The following ADCY4 variants were observed in gnomAD, a reference collection of about 807,000 sequenced individuals.
ADCY4 encodes the protein adenylate cyclase 4.
A neutral mutation model predicts 125.5 loss-of-function variants in ADCY4; 111 were observed. The ratio of observed to expected loss-of-function variants is 0.88; its 90% CI spans 0.76 to 1.04. The LOEUF is 1.04. Among genes scored for constraint, ADCY4 ranks in the 50% least tolerant of loss-of-function variants. The pLI, the probability that ADCY4 is intolerant of heterozygous loss-of-function variation, is 0.00. For synonymous variants in ADCY4, 576 were observed against 586.9 expected, an observed-to-expected ratio of 0.98 and a Z score of 0.27; for missense variants, 1,256 against 1,382.9, an observed-to-expected ratio of 0.91 and a Z score of 1.46.
intron 10 of ADCY4, 160 bp downstream of exon 10, chr14:24,328,901 A>G (rs2041994361): frequency 2.2e-6 from 2 of 912,842 alleles, no homozygotes; most frequent in South Asian, 3.2e-5. Context: ...GAAGGGCCTG[A>G]ACCAGTGACT....
intron 6 of ADCY4, chr14:24,330,750 C>G: frequency 2.1e-6 from 1 of 470,652 alleles, no homozygotes. Flanking sequence ...TCCAGAGACA[C>G]ATATGTGGGG....
chr14:24,326,394 T>C, intron 10 of ADCY4, 52 bp from the exon 11 acceptor site: 1 of 1,602,808 alleles, frequency 6.2e-7, no homozygotes, highest in Non-Finnish European at 8.5e-7. Flanking sequence ...TTCCCTGCAG[T>C]GAGGTAGACC....
At chr14:24,323,515 G>T (rs1201032045) in intron 16 of ADCY4, 61 bp from the exon 17 acceptor site, 1 of 1,543,430 alleles carries the variant, frequency 6.5e-7, no homozygotes, top group African/African-American at 1.4e-5. Context: ...GGTGGCTTGT[G>T]CTGGGTTTCA....
chr14:24,322,212 A>G lies in ADCY4; in HGVS notation c.2440T>C (p.Cys814Arg), dbSNP rs532786769. Reference sequence around the variant, plus strand: ...TTCTTCCACAGGAAGTCCAGGCGGCAGTAGTACTCATTCTGGGGAGGGTCA... The same window carrying G: ...TTCTTCCACAGGAAGTCCAGGCGGCGGTAGTACTCATTCTGGGGAGGGTCA... ...LVLARQNEYY[C>R]RLDFLWKKKL... Residue 814 changes from cysteine to arginine, a missense_variant, in exon 20 of 25, where the codon TGC (cysteine) becomes CGC (arginine). Cys to Arg is a radical substitution (Grantham distance 180, BLOSUM62 -3). Transcript: ENST00000418030. 5.1e-4 allele frequency: 820 copies of G among 1,613,388 alleles called. 11 individuals carry two copies. The South Asian group carries it at 8.4e-3, about 17-fold the overall frequency.
intron 13 of ADCY4, 23 bp downstream of exon 13, chr14:24,325,795 G>C: frequency 6.3e-7 from 1 of 1,581,802 alleles, no homozygotes; most frequent in Non-Finnish European, 8.6e-7. Context: ...AAGTTGTTTG[G>C]TGCCACCCAC....
chr14:24,331,140 C>A lies in ADCY4; in HGVS notation c.819-11G>T, dbSNP rs555124206. The A allele has an allele frequency of 4.3e-6, 7 of 1,613,020 alleles. No individual in the cohort carries two copies. In the East Asian group the frequency reaches 1.6e-4, roughly 36 times the overall value. The stretch of plus-strand genomic sequence containing the variant: ...TCAGCATACAGCACGCTGCATAGGG[C>A]AGACTGTGTCAGCAGGGCCAGGGTC... On this transcript the variant is annotated splice_polypyrimidine_tract_variant and intron_variant, in intron 5 of 24. Transcript: ENST00000418030.
In ADCY4 at chr14:24,324,049, C is replaced by T. The variant is rs746812550; in HGVS notation, c.2046+13G>A. 3 of 1,613,244 alleles carry T rather than the reference C, an allele frequency of 1.9e-6. No homozygotes were observed. The highest frequency in any genetic ancestry group is 2.2e-5 in the South Asian group (2 of 90,988). On this transcript the variant is annotated intron_variant, in intron 16 of 24. Transcript: ENST00000418030. ...GCCCTCATGGGGGTGGATAGGGCCC[C>T]CTCTGTCCTCACCAGGCTGGTAATG...
rs201925939 is a variant in ADCY4, at chr14:24,323,482, G to A, written c.2047-28C>T. 2.1e-5 allele frequency: 32 copies of A among 1,550,876 alleles called. No homozygotes were observed. In the East Asian group the frequency reaches 7.3e-4, roughly 36 times the overall value. ...GCAGAGGAGATGAGGAGTTGAAGAG[G>A]CAGGTAGCTTCTTGGGCACAGTGGT... is the stretch of plus-strand genomic sequence containing the variant. On this transcript the variant is annotated intron_variant, in intron 16 of 24. Transcript: ENST00000418030.
intron 10 of ADCY4, among the ~76,000 whole-genome samples, chr14:24,328,316 G>T (rs1312969124): frequency 1.3e-5 from 2 of 152,078 alleles, no homozygotes; most frequent in African/African-American, 4.8e-5. Flanking sequence ...CATCAGTCAG[G>T]CTCACCCACA....
In ADCY4 at chr14:24,332,872, C is replaced by G. The variant is rs1267217903; in HGVS notation, c.276G>C (p.Leu92=). ...EQRLQRWTRP[L]SGLVWVALLA... is the part of the protein sequence containing the mutation. The stretch of plus-strand genomic sequence containing the variant: ...GCAGCGCGACCCATACCAAGCCGGA[C>G]AGGGGACGCGTCCAGCGCTGCAGTC... The change falls in exon 2 of 25, where the codon CTG becomes CTC. Residue 92 remains leucine (L), a synonymous_variant. Transcript: ENST00000418030. 1.2e-6 allele frequency: 2 copies of G among 1,606,008 alleles called. No individual in the cohort carries two copies. The highest frequency in any genetic ancestry group is 8.5e-7 in the Non-Finnish European group (1 of 1,176,404).
chr14:24,328,386 T>A lies in ADCY4; in HGVS notation c.1524+675A>T, dbSNP rs534875834. Among the ~76,000 whole-genome samples the A allele has an allele frequency of 1.4e-4, 22 of 152,316 alleles. No homozygotes were observed. In the East Asian group the frequency reaches 4.1e-3, roughly 28 times the overall value. On this transcript the variant is annotated intron_variant, in intron 10 of 24. Transcript: ENST00000418030. ...TGTGCTTCAGTGGTCACGCTCCTAG[T>A]CCACCTTCATGTTCCATCCTGTACA...
intron 6 of ADCY4, 72 bp from the exon 7 acceptor site, chr14:24,330,367 G>T (rs955563626): frequency 1.9e-6 from 3 of 1,601,358 alleles, no homozygotes; most frequent in South Asian, 2.2e-5. Context: ...GTTGGGAAAA[G>T]TGGGCAGCGA....
chr14:24,329,127 G>A lies in ADCY4; in HGVS notation c.1458C>T (p.Gly486=), dbSNP rs938148685. 2.0e-5 allele frequency: 33 copies of A among 1,613,822 alleles called. No homozygotes were observed. The Admixed American group carries it at 2.2e-4, about 11-fold the overall frequency. The change falls in exon 10 of 25, where the codon GGC becomes GGT. Residue 486 remains glycine (G), a synonymous_variant. Coordinates refer to ENST00000418030, the MANE Select transcript of ADCY4 (RefSeq NM_001198568.2). ...LLMTRYLESW[G]AAKPFAHLSH... ...TCAGGTGGGCAAAAGGCTTGGCTGC[G>A]CCCCAGGACTCCAGGTAACGGGTCA...
Position 24,331,912 on chromosome 14 carries a change from A to T in ADCY4, c.545T>A (p.Leu182Gln). Reference protein sequence around the residue: ...PQLAANAVLFLCGNVAGVYHK... With the variant: ...PQLAANAVLFQCGNVAGVYHK... ...GTACACTCCTGCCACGTTCCCGCACAGGAACAGCACTGCGTTTGCTGCCAA... is the reference window on the plus strand; with the variant it reads ...GTACACTCCTGCCACGTTCCCGCACTGGAACAGCACTGCGTTTGCTGCCAA... The change falls in exon 4 of 25, where the codon CTG becomes CAG. Residue 182 changes from leucine to glutamine, a missense_variant. Leu to Gln is a moderately radical substitution (Grantham distance 113, BLOSUM62 -2). Transcript: ENST00000418030. 1 of 1,579,386 alleles carries T rather than the reference A, an allele frequency of 6.3e-7. No individual in the cohort carries two copies. Among genetic ancestry groups the T allele is most frequent in the Non-Finnish European group, 8.7e-7 (1 of 1,155,138 alleles).
chr14:24,323,203 A>G (rs2041883765), intron 17 of ADCY4, 115 bp from the exon 18 acceptor site: 1 of 1,402,384 alleles, frequency 7.1e-7, no homozygotes, highest in Admixed American at 2.0e-5. Context: ...GACAGGGGGC[A>G]TCATACACAC....
chr14:24,329,940 G>A lies in ADCY4; in HGVS notation c.1137C>T (p.Ile379=), dbSNP rs72694358. The change falls in exon 8 of 25, where the codon ATC becomes ATT. Residue 379 remains isoleucine, a synonymous_variant. Coordinates refer to ENST00000418030, the MANE Select transcript of ADCY4 (RefSeq NM_001198568.2). ...VHSGSVLCGV[I]GLQKWQYDVW... ...CGTCGTACTGCCACTTCTGCAGCCC[G>A]ATGACTCCACACAGTACGCTGCCTG... is the stretch of plus-strand genomic sequence containing the variant. 8,983 of 1,614,088 alleles carry A rather than the reference G, an allele frequency of 5.6e-3. 35 individuals carry two copies. Among genetic ancestry groups the A allele is most frequent in the Non-Finnish European group, 6.9e-3 (8,190 of 1,180,000 alleles).
Position 24,319,246 on chromosome 14 carries a change from T to C in ADCY4, c.2842-34A>G, listed in dbSNP as rs78138084. 2 of 1,613,340 alleles carry C rather than the reference T, an allele frequency of 1.2e-6. No homozygotes were observed. The highest frequency in any genetic ancestry group is 3.3e-5 in the Admixed American group (2 of 59,998). On this transcript the variant is annotated intron_variant, in intron 22 of 24. Coordinates refer to ENST00000418030, the MANE Select transcript of ADCY4 (RefSeq NM_001198568.2). The surrounding 1 kb of genome is among the most constrained non-coding windows in gnomAD (Gnocchi z 4.5). ...GGGCCCGCCCACCAGGGTGGGCCAG[T>C]GAGGGCACAGGAATAAGTCCCACTA... is the stretch of plus-strand genomic sequence containing the variant.
At chr14:24,324,529 GA>G in intron 14 of ADCY4, 138 bp from the exon 15 acceptor site, 1 of 954,546 alleles carries the variant, frequency 1.0e-6, no homozygotes, top group Non-Finnish European at 1.6e-6. Context: ...GGTCCCGGCT[GA>G]TAGAAGACAT....
intron 1 of ADCY4, 123 bp from the exon 2 acceptor site, chr14:24,333,111 A>G: frequency 1.1e-6 from 1 of 932,120 alleles, no homozygotes; most frequent in Non-Finnish European, 1.5e-6. Context: ...TAAGTACGAA[A>G]AGGAGGCAAG....
Sources: gnomAD v4.1 joint callset for allele counts (sites outside exome capture counted in the v4.1 genomes callset) on GRCh38, gnomAD v4.1.1 for gene constraint, Gnocchi (gnomAD v3.1) non-coding constraint, MANE v1.5 for transcripts, NCBI Gene and HGNC (gene_info 2026-07-23, HGNC 2026-07-21) for gene names.